FOXP4: variants seen among roughly 807,000 people sequenced by gnomAD.
The protein encoded by FOXP4 is forkhead box P4, also known as forkhead box protein P4.
FOXP4 carries 25 observed loss-of-function variants against 82.6 expected under a neutral mutation model. The observed-to-expected ratio is 0.30, with a 90% confidence interval of 0.22 to 0.42. The LOEUF (loss-of-function observed/expected upper bound fraction) is 0.42. FOXP4 is among the 10% of genes least tolerant of loss of function. The pLI, the probability that FOXP4 is intolerant of heterozygous loss-of-function variation, is 1.00. For missense variants in FOXP4, 785 were observed against 900.9 expected (o/e 0.87, Z 1.65); for synonymous variants, 415 against 388.2 (o/e 1.07, Z -0.81).
At chr6:41,550,868 A>G (rs1029463064) in intron 1 of FOXP4, among the ~76,000 whole-genome samples, 1 of 152,208 alleles carries the variant, frequency 6.6e-6, no homozygotes, top group Non-Finnish European at 1.5e-5. Context: ...CTCTCCAGAA[A>G]GGGAGATTTC....
chr6:41,578,153 A>AC, intron 3 of FOXP4, 72 bp downstream of exon 3: 1 of 1,328,208 alleles, frequency 7.5e-7, no homozygotes, highest in South Asian at 1.2e-5. Context: ...GAGGGCAAGG[A>AC]CCCGTTGGAG....
chr6:41,568,444 G>A (rs888778690), intron 2 of FOXP4, among the ~76,000 whole-genome samples: 3 of 152,220 alleles, frequency 2.0e-5, no homozygotes, highest in Non-Finnish European at 4.4e-5. Context: ...CCCCTTTGCT[G>A]CTTCTCCATC....
intron 2 of FOXP4, among the ~76,000 whole-genome samples, chr6:41,566,766 G>T (rs1455780093): frequency 6.6e-6 from 1 of 152,206 alleles, no homozygotes; most frequent in African/African-American, 2.4e-5. Flanking sequence ...ATTTGACTCT[G>T]CTCCTGGAAT....
chr6:41,553,015 A>C (rs1274384930), intron 1 of FOXP4, among the ~76,000 whole-genome samples: 1 of 152,122 alleles, frequency 6.6e-6, no homozygotes. Flanking sequence ...CACCATCCTG[A>C]AGCTGTGGGT....
At chr6:41,579,592 G>A (rs187730050) in intron 3 of FOXP4, among the ~76,000 whole-genome samples, 11 of 152,268 alleles carry the variant, frequency 7.2e-5, no homozygotes, top group Admixed American at 6.5e-4. Context: ...CTGCTCAGCT[G>A]GGGATTAAGG....
intron 1 of FOXP4, among the ~76,000 whole-genome samples, chr6:41,547,280 G>T (rs940505235): frequency 1.3e-5 from 2 of 152,120 alleles, no homozygotes; most frequent in Non-Finnish European, 2.9e-5. Flanking sequence ...TCTGGGAATG[G>T]GGTGTACGGG....
chr6:41,559,179 T>C (rs953554981), intron 1 of FOXP4, among the ~76,000 whole-genome samples: 1 of 152,194 alleles, frequency 6.6e-6, no homozygotes, highest in Non-Finnish European at 1.5e-5. Flanking sequence ...TAGATCCCCA[T>C]TTATTTCCTG....
intron 14 of FOXP4, among the ~76,000 whole-genome samples, chr6:41,595,506 C>T (rs1766780235): frequency 6.6e-6 from 1 of 152,268 alleles, no homozygotes; most frequent in Non-Finnish European, 1.5e-5. Context: ...AGGACCAGGT[C>T]TCTGCCCTCC....
At chr6:41,587,565 T>C in intron 7 of FOXP4, 53 bp downstream of exon 7, 1 of 1,409,510 alleles carries the variant, frequency 7.1e-7, no homozygotes, top group Non-Finnish European at 9.6e-7. Flanking sequence ...GGGGTAGACC[T>C]GGCCCCCCAC....
intron 15 of FOXP4, 110 bp downstream of exon 15, chr6:41,597,352 G>A: frequency 2.6e-6 from 3 of 1,173,222 alleles, no homozygotes; most frequent in Non-Finnish European, 3.7e-6. Flanking sequence ...AGGGAAGGAG[G>A]GTGAAGACCC....
intron 1 of FOXP4, among the ~76,000 whole-genome samples, chr6:41,564,116 G>A (rs747035773): frequency 2.6e-4 from 40 of 152,234 alleles, no homozygotes; most frequent in Non-Finnish European, 5.1e-4. Flanking sequence ...CTCGGGGGTA[G>A]TTGGGGAGCC....
At chr6:41,568,984 G>T (rs2127356299) in intron 2 of FOXP4, among the ~76,000 whole-genome samples, 1 of 152,296 alleles carries the variant, frequency 6.6e-6, no homozygotes, top group East Asian at 1.9e-4. Flanking sequence ...GACCTGGCTT[G>T]GCTGCCAGGC....
rs1767175090 is a variant in FOXP4, at chr6:41,600,629, C to G, written c.*1693C>G. On this transcript the variant is annotated 3_prime_UTR_variant, in exon 17 of 17. Coordinates refer to ENST00000307972, the MANE Select transcript of FOXP4 (RefSeq NM_001012426.2). ...TTAAACGTCCTCTATTCACCGGGCC[C>G]TGTGTGTGTCACCGAGGTGCGGGAG... 6.6e-6 allele frequency: 1 copy of G among 152,384 alleles called. No homozygotes were observed. The highest frequency in any genetic ancestry group is 1.5e-5 in the Non-Finnish European group (1 of 68,084). The allele number at this position is 152,384 out of a possible 1,614,324, so 9.4% of individuals were successfully genotyped here. A position where few individuals can be genotyped will look rare whatever the true frequency, so the allele number is the denominator to read the frequency against.
intron 2 of FOXP4, among the ~76,000 whole-genome samples, chr6:41,572,381 G>A (rs1288307811): frequency 6.6e-6 from 1 of 152,176 alleles, no homozygotes; most frequent in Non-Finnish European, 1.5e-5. Flanking sequence ...TGTAGTGTCT[G>A]TCTCGGCCCA....
Position 41,587,484 on chromosome 6 carries a change from C to G in FOXP4, c.844C>G (p.Pro282Ala). 1 of 1,531,818 alleles carries G rather than the reference C, an allele frequency of 6.5e-7. No individual in the cohort carries two copies. The highest frequency in any genetic ancestry group is 2.3e-5 in the East Asian group (1 of 44,158). 94.9% of individuals were successfully genotyped at this position (1,531,818 alleles called of 1,614,324 possible). The change falls in exon 7 of 17, where the codon CCT (proline) becomes GCT (alanine). Residue 282 changes from proline to alanine, a missense_variant. Coordinates refer to ENST00000307972, the MANE Select transcript of FOXP4 (RefSeq NM_001012426.2). Reference protein sequence around the residue: ...LSHHTLPNGQPTVLTSRRDSS... With the variant: ...LSHHTLPNGQATVLTSRRDSS... ...CCACCATACCCTGCCCAACGGACAG[C>G]CTACTGTGCTCACATCTCGGAGAGA...
intron 1 of FOXP4, among the ~76,000 whole-genome samples, chr6:41,553,976 T>TC (rs1764141604): frequency 6.6e-6 from 1 of 152,208 alleles, no homozygotes; most frequent in Non-Finnish European, 1.5e-5. Flanking sequence ...AAGGAAGTTC[T>TC]AATAGGACAT....
At chr6:41,580,044 CTTT>C (rs10644693) in intron 3 of FOXP4, among the ~76,000 whole-genome samples, 4 of 131,922 alleles carry the variant, frequency 3.0e-5, no homozygotes, top group Admixed American at 7.8e-5. Context: ...AGAACTCACA[CTTT>C]TTTTTTTTTT....
At chr6:41,570,169 G>A (rs1765118264) in intron 2 of FOXP4, 1 of 392,034 alleles carries the variant, frequency 2.6e-6, no homozygotes, top group Admixed American at 2.9e-5. Context: ...TTCTCTTCAG[G>A]ACTGCTGGCT....
At chr6:41,570,819 C>T (rs566151830) in intron 2 of FOXP4, among the ~76,000 whole-genome samples, 1 of 152,240 alleles carries the variant, frequency 6.6e-6, no homozygotes, top group East Asian at 1.9e-4. Flanking sequence ...GGGAAGGCTG[C>T]ATCCTAGGGT....
Sources: gnomAD v4.1 joint callset for allele counts (sites outside exome capture counted in the v4.1 genomes callset) on GRCh38, gnomAD v4.1.1 for gene constraint, MANE v1.5 for transcripts, NCBI Gene and HGNC (gene_info 2026-07-23, HGNC 2026-07-21) for gene names.